Variants in PRKN observed in about 807,000 individuals in gnomAD.
PRKN encodes the protein parkin RBR E3 ubiquitin protein ligase, also known as E3 ubiquitin-protein ligase parkin.
Under a neutral mutation model 59.5 loss-of-function variants are expected in PRKN, and 56 were observed. That is an observed-to-expected ratio of 0.94 (90% CI 0.76 to 1.18). PRKN has a LOEUF of 1.18. PRKN is among the 50% of genes most tolerant of loss of function. The probability of loss-of-function intolerance (pLI) is 0.00; values close to 1 mark genes in which losing one functional copy is unlikely to be tolerated. For synonymous variants in PRKN, 250 were observed against 222.1 expected (o/e 1.13, Z -1.12); for missense variants, 657 against 596.4 (o/e 1.10, Z -1.06).
rs202172044 is a variant in PRKN at position 161,883,635 on chromosome 6, TA to T, written c.734+89666del. Among the ~76,000 whole-genome samples the T allele has an allele frequency of 8.4e-4, 128 of 152,250 alleles. 3 individuals carry two copies. The East Asian group carries it at 0.023, about 27-fold the overall frequency. On this transcript the variant is annotated intron_variant, in intron 6 of 11. Transcript: ENST00000366898. ...TGCAGCAAATCATAAAATGATTTTTTATTAATTTATTTTTATTTTTATTTTT... is the reference window on the plus strand; with the variant it reads ...TGCAGCAAATCATAAAATGATTTTTTTTAATTTATTTTTATTTTTATTTTT...
intron 3 of PRKN, among the ~76,000 whole-genome samples, chr6:162,246,634 AG>A: frequency 6.6e-6 from 1 of 152,248 alleles, no homozygotes; most frequent in South Asian, 2.1e-4. Flanking sequence ...GGTTTAAGAA[AG>A]GAAAAACTTT....
intron 6 of PRKN, among the ~76,000 whole-genome samples, chr6:161,954,883 T>C (rs1375889604): frequency 6.6e-6 from 1 of 152,238 alleles, no homozygotes; most frequent in African/African-American, 2.4e-5. Context: ...CAGTATTGGC[T>C]CAGCCAGTTT....
intron 4 of PRKN, among the ~76,000 whole-genome samples, chr6:162,060,876 G>A (rs934090649): frequency 2.0e-5 from 3 of 152,138 alleles, no homozygotes; most frequent in East Asian, 1.9e-4. Flanking sequence ...TCTTGTCATC[G>A]AATATGAAGG....
chr6:162,402,510 G>A (rs1350262582), intron 2 of PRKN, among the ~76,000 whole-genome samples: 1 of 151,812 alleles, frequency 6.6e-6, no homozygotes, highest in Non-Finnish European at 1.5e-5. Flanking sequence ...TTGTCTCGGG[G>A]TATAAGACTT....
intron 6 of PRKN, among the ~76,000 whole-genome samples, chr6:161,940,126 C>T (rs1407462168): frequency 1.3e-5 from 2 of 152,098 alleles, no homozygotes; most frequent in Non-Finnish European, 2.9e-5. Context: ...AAACTCCTGA[C>T]TTCAGGTGAT....
chr6:162,012,549 A>T (rs960349030), intron 5 of PRKN, among the ~76,000 whole-genome samples: 5 of 152,144 alleles, frequency 3.3e-5, no homozygotes, highest in Admixed American at 1.3e-4. Flanking sequence ...CTGAGAATAA[A>T]AACATTCATT....
chr6:162,236,290 G>C (rs773592443), intron 3 of PRKN, among the ~76,000 whole-genome samples: 1 of 152,152 alleles, frequency 6.6e-6, no homozygotes, highest in Non-Finnish European at 1.5e-5. Flanking sequence ...CCCTACTGAT[G>C]AATCAGAAAT....
At chr6:161,886,726 C>A (rs907865493) in intron 6 of PRKN, among the ~76,000 whole-genome samples, 1 of 118,500 alleles carries the variant, frequency 8.4e-6, no homozygotes, top group Non-Finnish European at 1.8e-5. Context: ...CATAAAATAA[C>A]ATAAAATAAA....
chr6:161,672,611 A>G (rs1302449650), intron 7 of PRKN, among the ~76,000 whole-genome samples: 3 of 152,234 alleles, frequency 2.0e-5, no homozygotes, highest in South Asian at 2.1e-4. Flanking sequence ...ACCCGTCTCT[A>G]TGAAAAATAC....
At chr6:162,359,490 A>G (rs1785040476) in intron 2 of PRKN, among the ~76,000 whole-genome samples, 1 of 152,076 alleles carries the variant, frequency 6.6e-6, no homozygotes, top group Admixed American at 6.6e-5. Context: ...TACAAGAGTT[A>G]ATTTGCTAAT....
chr6:162,019,932 T>A (rs1365541513), intron 5 of PRKN, among the ~76,000 whole-genome samples: 1 of 151,960 alleles, frequency 6.6e-6, no homozygotes, highest in African/African-American at 2.4e-5. Flanking sequence ...GGCAGGAGAA[T>A]TGCTTGAAAC....
intron 4 of PRKN, among the ~76,000 whole-genome samples, chr6:162,141,308 GTATC>G (rs1319007873): frequency 6.6e-6 from 1 of 152,034 alleles, no homozygotes; most frequent in Non-Finnish European, 1.5e-5. Context: ...ATTATCAAAA[GTATC>G]TAAGATTCAA....
At position 162,056,317 on chromosome 6, in the gene PRKN, G is replaced by GCA. The variant is rs376103058; in HGVS notation, c.535-2145_535-2144dup. On this transcript the variant is annotated intron_variant, in intron 4 of 11. Transcript: ENST00000366898. The surrounding 1 kb of genome is among the most constrained non-coding windows in gnomAD (Gnocchi z 4.9). ...ATGCATAAACACACCACGCACACAC[G>GCA]CACACACACACAATACCACACAGCA... 4.7e-5 allele frequency among the ~76,000 whole-genome samples: 7 copies of GCA among 148,238 alleles called. No homozygotes were observed. Among genetic ancestry groups the GCA allele is most frequent in the African/African-American group, 1.5e-4 (6 of 40,080 alleles).
At chr6:162,150,936 T>C (rs913099334) in intron 4 of PRKN, among the ~76,000 whole-genome samples, 1 of 152,128 alleles carries the variant, frequency 6.6e-6, no homozygotes, top group South Asian at 2.1e-4. Flanking sequence ...AATGCTCAAA[T>C]GTCACCTGAG....
At chr6:161,848,520 T>G (rs1307491849) in intron 6 of PRKN, among the ~76,000 whole-genome samples, 4 of 152,232 alleles carry the variant, frequency 2.6e-5, no homozygotes, top group African/African-American at 9.6e-5. Context: ...TCATCTGATT[T>G]CGTTTGATAA....
At chr6:162,369,808 G>A (rs975648354) in intron 2 of PRKN, among the ~76,000 whole-genome samples, 42 of 152,016 alleles carry the variant, frequency 2.8e-4, no homozygotes, top group Admixed American at 7.9e-4. Context: ...TACAAAGCCC[G>A]TCTACATTTT....
chr6:161,803,746 C>T (rs563576634), intron 6 of PRKN, among the ~76,000 whole-genome samples: 1 of 152,306 alleles, frequency 6.6e-6, no homozygotes, highest in East Asian at 1.9e-4. Context: ...TGTCTCTTAT[C>T]ACAAGAAGGG....
intron 1 of PRKN, among the ~76,000 whole-genome samples, chr6:162,714,085 T>C (rs1030940052): frequency 2.0e-5 from 3 of 152,172 alleles, no homozygotes; most frequent in Non-Finnish European, 4.4e-5. Context: ...GAGGTAAAGG[T>C]AGATTTTTTA....
At position 162,021,147 on chromosome 6, in the gene PRKN, TATATATATATATATATATAA is replaced by T. The variant is rs1238122940; in HGVS notation, c.618+32924_618+32943del. On this transcript the variant is annotated intron_variant, in intron 5 of 11. Coordinates refer to ENST00000366898, the MANE Select transcript of PRKN (RefSeq NM_004562.3). Reference sequence around the variant, plus strand: ...ATATATATATATATATATATATATATATATATATATATATATATAAAATATATGTGTATATATATTATATA... The same window carrying T: ...ATATATATATATATATATATATATATAATATATGTGTATATATATTATATA... 4.1e-3 allele frequency among the ~76,000 whole-genome samples: 54 copies of T among 13,132 alleles called. 2 individuals carry two copies. The highest frequency in any genetic ancestry group is 0.013 in the African/African-American group (49 of 3,686). The allele number at this position is 13,132 out of a possible 152,430, so 8.6% of individuals were successfully genotyped here.
Sources: gnomAD v4.1 joint callset for allele counts (sites outside exome capture counted in the v4.1 genomes callset) on GRCh38, gnomAD v4.1.1 for gene constraint, Gnocchi (gnomAD v3.1) non-coding constraint, MANE v1.5 for transcripts, NCBI Gene and HGNC (gene_info 2026-07-23, HGNC 2026-07-21) for gene names.